The following SMG1 variants were observed in gnomAD, a reference collection of about 807,000 sequenced individuals.
SMG1 encodes the protein SMG1 nonsense mediated mRNA decay associated PI3K related kinase, also known as serine/threonine-protein kinase SMG1.
SMG1 carries 22 observed loss-of-function variants against 419.9 expected under a neutral mutation model. The ratio of observed to expected loss-of-function variants is 0.05; its 90% confidence interval spans 0.04 to 0.07. SMG1 has a LOEUF of 0.07. Ranked by LOEUF, SMG1 falls within the 10% of genes least tolerant of loss-of-function variation. The probability of loss-of-function intolerance (pLI) is 1.00; values close to 1 mark genes in which losing one functional copy is unlikely to be tolerated. For synonymous variants in SMG1, 1,538 were observed against 1,553.5 expected (o/e 0.99, Z 0.23); for missense variants, 3,185 against 4,342.0 (o/e 0.73, Z 7.49).
rs574179061 is a variant in SMG1 at position 18,887,516 on chromosome 16, C to CT, written c.823-1851dup. Reference sequence around the variant, plus strand: ...ACCACGCCCGACTTATTTTTTTTTCCTTTTTTTTTTTTTTTTTAATAGAAA... The same window carrying CT: ...ACCACGCCCGACTTATTTTTTTTTCCTTTTTTTTTTTTTTTTTTAATAGAAA... On this transcript the variant is annotated intron_variant, in intron 6 of 62. Transcript: ENST00000446231. 0.015 allele frequency among the ~76,000 whole-genome samples: 1,649 copies of CT among 110,112 alleles called. 105 individuals are homozygous for CT. In the East Asian group the frequency reaches 0.17, roughly 11 times the overall value. 72.2% of individuals were successfully genotyped at this position (110,112 alleles called of 152,430 possible).
intron 53 of SMG1, 78 bp from the exon 54 acceptor site, chr16:18,829,833 C>A: frequency 6.9e-7 from 1 of 1,440,390 alleles, no homozygotes; most frequent in Admixed American, 2.5e-5. Flanking sequence ...TTTAAGGTGT[C>A]ATGAATGTAT....
chr16:18,923,100 T>C (rs898691123), intron 1 of SMG1, among the ~76,000 whole-genome samples: 7 of 151,856 alleles, frequency 4.6e-5, no homozygotes, highest in Admixed American at 2.0e-4. Context: ...TACAGAAGAG[T>C]TGACTGGGAG....
chr16:18,841,772 A>G lies in SMG1; in HGVS notation c.6489T>C (p.Asp2163=). The G allele has an allele frequency of 6.2e-7, 1 of 1,613,716 alleles. No homozygotes were observed. The highest frequency in any genetic ancestry group is 8.5e-7 in the Non-Finnish European group (1 of 1,179,640). Residue 2163 remains aspartate, a synonymous_variant, in exon 41 of 63, where the codon GAT becomes GAC. Transcript: ENST00000446231. ...TAGATAGGAACTGCATTATTCTCTC[A>G]TCCAGATGTAAATCCTCCAGTCCTA... ...LFKGLEDLHL[D]ERIMQFLSIV... is the part of the protein sequence containing the mutation.
intron 51 of SMG1, among the ~76,000 whole-genome samples, chr16:18,832,703 C>T (rs756753510): frequency 6.6e-6 from 1 of 151,702 alleles, no homozygotes; most frequent in Non-Finnish European, 1.5e-5. Context: ...GATACTAACA[C>T]TGAAGGAAGG....
chr16:18,809,538 GC>G lies in SMG1; in HGVS notation c.*30del. On this transcript the variant is annotated 3_prime_UTR_variant, in exon 63 of 63. Coordinates refer to ENST00000446231, the MANE Select transcript of SMG1 (RefSeq NM_015092.5). The stretch of plus-strand genomic sequence containing the variant: ...TTGATTCTGGTGGATGTCTGACCTC[GC>G]TTAACCAGACTCATCTACTGTCTTG... 1 of 1,557,820 alleles carries G rather than the reference GC, an allele frequency of 6.4e-7. No homozygotes were observed. Among genetic ancestry groups the G allele is most frequent in the Non-Finnish European group, 8.8e-7 (1 of 1,135,034 alleles).
intron 6 of SMG1, among the ~76,000 whole-genome samples, chr16:18,887,135 A>T (rs539090044): frequency 6.6e-6 from 1 of 152,342 alleles, no homozygotes; most frequent in African/African-American, 2.4e-5. Flanking sequence ...TAGGTGAAGC[A>T]TATATTATGA....
At chr16:18,865,322 T>C (rs2035442396) in intron 23 of SMG1, among the ~76,000 whole-genome samples, 1 of 152,172 alleles carries the variant, frequency 6.6e-6, no homozygotes, top group African/African-American at 2.4e-5. Context: ...AGCATTCTTG[T>C]TTCTCAGTGA....
chr16:18,814,044 A>T (rs1311203040), intron 60 of SMG1, among the ~76,000 whole-genome samples: 9 of 147,710 alleles, frequency 6.1e-5, no homozygotes, highest in Admixed American at 6.1e-4. Context: ...AAAAAAAAAA[A>T]AATTAAATTA....
intron 3 of SMG1, among the ~76,000 whole-genome samples, chr16:18,895,252 C>T (rs538467750): frequency 3.4e-4 from 52 of 151,928 alleles, no homozygotes; most frequent in East Asian, 1.6e-3. Flanking sequence ...AATGAGCACG[C>T]GTGATCACTT....
chr16:18,873,419 A>G (rs1388677560), intron 13 of SMG1, among the ~76,000 whole-genome samples: 8 of 152,000 alleles, frequency 5.3e-5, no homozygotes, highest in African/African-American at 1.9e-4. Context: ...ATAGAGTTTC[A>G]CCATGTTGGC....
rs2035176962 is a variant in SMG1, at chr16:18,860,828, T to C, written c.3696-52A>G. ...TATTCCTATGCAGCCTGTGGAACCA[T>C]TAAAAAAAAACAAACAAAAACAGAA... On this transcript the variant is annotated intron_variant, in intron 25 of 62. Transcript: ENST00000446231. 7 of 784,222 alleles carry C rather than the reference T, an allele frequency of 8.9e-6. No individual in the cohort carries two copies. The East Asian group carries it at 1.0e-4, about 12-fold the overall frequency. The allele number at this position is 784,222 out of a possible 1,614,324, so 48.6% of individuals were successfully genotyped here. A position where few individuals can be genotyped will look rare whatever the true frequency, so the allele number is the denominator to read the frequency against.
intron 15 of SMG1, 124 bp downstream of exon 15, chr16:18,872,060 T>A (rs577563276): frequency 2.1e-6 from 1 of 483,926 alleles, no homozygotes; most frequent in African/African-American, 2.0e-5. Flanking sequence ...ATAAAGAAGC[T>A]GCTCTACCTC....
At chr16:18,874,906 T>C (rs1456725073) in intron 13 of SMG1, among the ~76,000 whole-genome samples, 1 of 95,788 alleles carries the variant, frequency 1.0e-5, no homozygotes, top group Non-Finnish European at 2.2e-5. Flanking sequence ...AAAAAGCCTT[T>C]TTTTTTTTTT....
chr16:18,882,819 T>C (rs977705785), intron 9 of SMG1, among the ~76,000 whole-genome samples: 1 of 152,098 alleles, frequency 6.6e-6, no homozygotes, highest in Non-Finnish European at 1.5e-5. Context: ...AAGTACGATA[T>C]ATGAAAAGGA....
In SMG1 at chr16:18,926,227, G is replaced by A; in HGVS notation, c.-186C>T. The stretch of plus-strand genomic sequence containing the variant: ...GCGGGGGAAGAGGACGGCCGTTCCG[G>A]GTTCCGCCTGAGCCCGCAGCGCAGG... On this transcript the variant is annotated 5_prime_UTR_variant, in exon 1 of 63. Transcript: ENST00000446231. The A allele has an allele frequency of 3.5e-6, 2 of 572,780 alleles. No individual in the cohort carries two copies. The highest frequency in any genetic ancestry group is 6.0e-6 in the Non-Finnish European group (2 of 333,910). 35.5% of individuals were successfully genotyped at this position (572,780 alleles called of 1,614,324 possible). A position where few individuals can be genotyped will look rare whatever the true frequency, so the allele number is the denominator to read the frequency against.
intron 42 of SMG1, 151 bp downstream of exon 42, chr16:18,839,547 A>T: frequency 1.0e-6 from 1 of 970,814 alleles, no homozygotes; most frequent in South Asian, 1.6e-5. Context: ...TCATGCCTTT[A>T]TAACTGTAAT....
Position 18,834,957 on chromosome 16 carries a change from C to T in SMG1, c.8265G>A (p.Glu2755=). 1.2e-6 allele frequency: 2 copies of T among 1,614,004 alleles called. No individual in the cohort carries two copies. Among genetic ancestry groups the T allele is most frequent in the Non-Finnish European group, 1.7e-6 (2 of 1,179,886 alleles). Residue 2755 remains glutamate (E), a synonymous_variant, in exon 49 of 63, where the codon GAG becomes GAA. Coordinates refer to ENST00000446231, the MANE Select transcript of SMG1 (RefSeq NM_015092.5). ...GACTCAAAGATCCTTCTTCTCCATT[C>T]TCATGAAGGAAAACTTTAATGCAAC... ...IERCIKVFLH[E]NGEEGSLSLA...
At chr16:18,901,777 C>A (rs2037354372) in intron 1 of SMG1, among the ~76,000 whole-genome samples, 1 of 151,950 alleles carries the variant, frequency 6.6e-6, no homozygotes, top group Admixed American at 6.6e-5. Flanking sequence ...GATTTTGAGA[C>A]CAGCCTGGCC....
chr16:18,865,857 G>A lies in SMG1; in HGVS notation c.3350+764C>T, dbSNP rs558972059. On this transcript the variant is annotated intron_variant, in intron 23 of 62. Transcript: ENST00000446231. ...TTTTTTGTATTTTTAGTAGAGACAG[G>A]GTTTCACCATGTTAGGCTAGTCTCA... 7.9e-5 allele frequency among the ~76,000 whole-genome samples: 12 copies of A among 151,890 alleles called. No homozygotes were observed. In the South Asian group the frequency reaches 1.2e-3, roughly 16 times the overall value.
Sources: allele counts gnomAD v4.1 joint callset (sites outside exome capture counted in the v4.1 genomes callset), GRCh38; gene constraint gnomAD v4.1.1; transcripts MANE v1.5; gene names NCBI Gene and HGNC (gene_info 2026-07-23, HGNC 2026-07-21).